MED1: variants seen among roughly 807,000 people sequenced by gnomAD.
MED1 encodes mediator complex subunit 1.
A neutral mutation model predicts 121.3 loss-of-function variants in MED1; 17 were observed. That is an observed-to-expected ratio of 0.14 (90% CI 0.10 to 0.21). The LOEUF is 0.21. MED1 is among the 10% of genes least tolerant of loss of function. MED1 has a pLI of 1.00. For missense variants in MED1, 1,558 were observed against 1,919.4 expected (o/e 0.81, Z 3.52); for synonymous variants, 661 against 694.4 (o/e 0.95, Z 0.76).
chr17:39,421,178 G>A (rs1017929462), intron 13 of MED1, among the ~76,000 whole-genome samples: 2 of 150,280 alleles, frequency 1.3e-5, no homozygotes, highest in Non-Finnish European at 3.0e-5. Context: ...TTGAACCTGG[G>A]AGGCAGAGGT....
At position 39,443,596 on chromosome 17, in the gene MED1, A is replaced by T; in HGVS notation, c.165T>A (p.His55Gln). Residue 55 changes from histidine to glutamine, a missense_variant, in exon 3 of 17, where the codon CAT (histidine) becomes CAA (glutamine). His to Gln is a conservative substitution (Grantham distance 24). Coordinates refer to ENST00000300651, the MANE Select transcript of MED1 (RefSeq NM_004774.4). The part of the protein sequence containing the change: ...EKRVVMSSGG[H>Q]QHLVSCLETL... ...TCTCCAAACAGCTGACCAAATGTTG[A>T]TGCCCTCCAGAACTCATCACAACCC... 6.2e-7 allele frequency: 1 copy of T among 1,614,066 alleles called. No individual in the cohort carries two copies. The highest frequency in any genetic ancestry group is 8.5e-7 in the Non-Finnish European group (1 of 1,179,990).
intron 13 of MED1, among the ~76,000 whole-genome samples, chr17:39,421,413 G>A (rs1261718094): frequency 6.6e-6 from 1 of 150,920 alleles, no homozygotes; most frequent in Non-Finnish European, 1.5e-5. Flanking sequence ...ATCTGGGCAT[G>A]GTGGTGCACA....
At chr17:39,411,045 GCA>G (rs1276885260) in intron 16 of MED1, among the ~76,000 whole-genome samples, 1 of 152,214 alleles carries the variant, frequency 6.6e-6, no homozygotes, top group Non-Finnish European at 1.5e-5. Flanking sequence ...TAGGGGCCGG[GCA>G]CAGTGGCTCA....
intron 8 of MED1, 99 bp from the exon 9 acceptor site, chr17:39,431,287 T>A (rs1016693422): frequency 9.7e-7 from 1 of 1,028,790 alleles, no homozygotes. Context: ...TTGTCTTTTT[T>A]TTTTTTTGAG....
intron 16 of MED1, among the ~76,000 whole-genome samples, chr17:39,414,523 G>A (rs1400945305): frequency 6.6e-6 from 1 of 150,560 alleles, no homozygotes; most frequent in African/African-American, 2.4e-5. Context: ...TTTTAATAGA[G>A]ACGGGGTTTC....
chr17:39,432,219 T>A (rs900046918), intron 7 of MED1, among the ~76,000 whole-genome samples: 18 of 151,490 alleles, frequency 1.2e-4, no homozygotes, highest in Non-Finnish European at 2.6e-4. Context: ...GGCAGGCACC[T>A]GTAATCCCAG....
intron 10 of MED1, among the ~76,000 whole-genome samples, chr17:39,425,506 T>C (rs1027641317): frequency 8.5e-5 from 13 of 152,176 alleles, no homozygotes; most frequent in African/African-American, 2.9e-4. Flanking sequence ...GTAGTTCCTA[T>C]AAAACTTAGA....
intron 5 of MED1, among the ~76,000 whole-genome samples, chr17:39,439,864 G>A (rs2048654832): frequency 2.0e-5 from 3 of 151,556 alleles, no homozygotes; most frequent in Non-Finnish European, 2.9e-5. Context: ...CTTGAATCCA[G>A]GAGGCAGAGA....
chr17:39,439,165 C>G lies in MED1; in HGVS notation c.428G>C (p.Arg143Thr). ...VSCPELVQQL[R>T]EKNFDEFSKH... ...AGGAATATAAATCGTATTTGCTCAC[C>G]TTAGCTGCTGTACAAGCTCCGGACA... Residue 143 changes from arginine to threonine, a missense_variant and splice_region_variant, in exon 6 of 17, where the codon AGG becomes ACG. Around this residue, in one of 5 missense-constraint regions of MED1, gnomAD observed 443 missense variants for 532.4 expected, o/e 0.83. Transcript: ENST00000300651. The G allele has an allele frequency of 6.3e-7, 1 of 1,594,678 alleles. No individual in the cohort carries two copies. Among genetic ancestry groups the G allele is most frequent in the Non-Finnish European group, 8.5e-7 (1 of 1,175,928 alleles).
chr17:39,415,374 A>C (rs746255129), intron 14 of MED1, 35 bp from the exon 15 acceptor site: 1 of 1,554,130 alleles, frequency 6.4e-7, no homozygotes, highest in African/African-American at 1.4e-5. Context: ...AAAACAACCA[A>C]ATATAAGACT....
At chr17:39,430,194 G>A (rs1194232687) in intron 9 of MED1, among the ~76,000 whole-genome samples, 2 of 152,030 alleles carry the variant, frequency 1.3e-5, no homozygotes, top group Non-Finnish European at 2.9e-5. Context: ...AGACCAGCCT[G>A]GCCAACATGG....
rs71147333 is a variant in MED1, at chr17:39,448,548, C to CAAA, written c.26-647_26-645dup. Among the ~76,000 whole-genome samples the CAAA allele has an allele frequency of 8.6e-3, 605 of 69,978 alleles. 7 individuals carry two copies. The highest frequency in any genetic ancestry group is 0.019 in the African/African-American group (440 of 22,798). The allele number at this position is 69,978 out of a possible 152,430, so 45.9% of individuals were successfully genotyped here. ...TAGGCAACAGAGGGAGACATTGTGT[C>CAAA]AAAAAAAAAAAAAAAAAAGTTATTG... is the stretch of plus-strand genomic sequence containing the variant. On this transcript the variant is annotated intron_variant, in intron 1 of 16. Transcript: ENST00000300651.
chr17:39,424,637 C>G lies in MED1; in HGVS notation c.841G>C (p.Asp281His). Residue 281 changes from aspartate to histidine, a missense_variant, in exon 11 of 17, where the codon GAC becomes CAC. This residue lies in a region of MED1 where 443 missense variants were observed against 532.4 expected (regional missense o/e 0.83). Coordinates refer to ENST00000300651, the MANE Select transcript of MED1 (RefSeq NM_004774.4). ...APLIMGSHPV[D>H]NKWTPSFSSI... The stretch of plus-strand genomic sequence containing the variant: ...TTATATTTAACTTACCATTTATTGT[C>G]AACTGGATGTGACCCCATAATTAAT... 6.3e-7 allele frequency: 1 copy of G among 1,581,624 alleles called. No individual in the cohort carries two copies. The highest frequency in any genetic ancestry group is 8.6e-7 in the Non-Finnish European group (1 of 1,158,568).
At chr17:39,446,119 G>A (rs961930428) in intron 2 of MED1, among the ~76,000 whole-genome samples, 1 of 151,618 alleles carries the variant, frequency 6.6e-6, no homozygotes, top group Admixed American at 6.6e-5. Flanking sequence ...TGGATCACTT[G>A]AGCCCACAAG....
chr17:39,445,999 A>G (rs2048722923), intron 2 of MED1, among the ~76,000 whole-genome samples: 1 of 151,130 alleles, frequency 6.6e-6, no homozygotes, highest in South Asian at 2.1e-4. Flanking sequence ...ACTGCACTCC[A>G]GCCTAGGTGA....
chr17:39,405,328 A>G lies in MED1; in HGVS notation c.*2147T>C, dbSNP rs964865873. On this transcript the variant is annotated 3_prime_UTR_variant, in exon 17 of 17. Transcript: ENST00000300651. ...TTTGATCTGGGATGAAGACAGAAAG[A>G]GAGAAAAGCTTCCCAGTTTACTCAT... is the stretch of plus-strand genomic sequence containing the variant. The G allele has an allele frequency of 5.0e-6, 8 of 1,599,020 alleles. No homozygotes were observed. The African/African-American group carries it at 1.1e-4, about 21-fold the overall frequency.
intron 7 of MED1, among the ~76,000 whole-genome samples, chr17:39,432,892 CT>C (rs926042886): frequency 1.7e-4 from 26 of 152,160 alleles, no homozygotes; most frequent in Admixed American, 9.2e-4. Flanking sequence ...TGGTAAAACC[CT>C]GTCTCTACTA....
intron 13 of MED1, 86 bp from the exon 14 acceptor site, chr17:39,420,004 A>C (rs935642994): frequency 1.3e-5 from 16 of 1,189,776 alleles, no homozygotes; most frequent in Non-Finnish European, 1.7e-5. Flanking sequence ...CTACTACTCA[A>C]AAAAGTGCAG....
intron 13 of MED1, among the ~76,000 whole-genome samples, chr17:39,422,863 C>CTTTTTTTTTTTTTTTTTTTTTTT (rs372712559): frequency 1.0e-5 from 1 of 98,918 alleles, no homozygotes; most frequent in Non-Finnish European, 1.9e-5. Context: ...TCCGAGATTT[C>CTTTTTTTTTTTTTTTTTTTTTTT]TTTTTTTTTT....
Sources: gnomAD v4.1 joint callset for allele counts (sites outside exome capture counted in the v4.1 genomes callset) on GRCh38, gnomAD v4.1.1 for gene constraint, gnomAD v4.1.1 regional missense constraint, MANE v1.5 for transcripts, NCBI Gene and HGNC (gene_info 2026-07-23, HGNC 2026-07-21) for gene names.